The following NPHS1 variants were observed in gnomAD, a reference collection of about 807,000 sequenced individuals.
NPHS1 encodes nephrin.
In NPHS1, 107 loss-of-function variants were observed where a neutral mutation model predicts 139.7. The ratio of observed to expected loss-of-function variants is 0.77; its 90% confidence interval spans 0.66 to 0.90. The LOEUF (loss-of-function observed/expected upper bound fraction) is 0.90. Among genes scored for constraint, NPHS1 ranks in the 40% least tolerant of loss-of-function variants. NPHS1 has a pLI of 0.00. For missense variants in NPHS1, 1,580 were observed against 1,654.2 expected, an observed-to-expected ratio of 0.96 and a Z score of 0.78; for synonymous variants, 707 against 706.6, an observed-to-expected ratio of 1.00 and a Z score of -0.01.
rs1350201149 is a variant in NPHS1, at chr19:35,844,444, A to G, written c.1946T>C (p.Leu649Pro). 1 of 1,587,178 alleles carries G rather than the reference A, an allele frequency of 6.3e-7. No homozygotes were observed. The highest frequency in any genetic ancestry group is 1.8e-5 in the Admixed American group (1 of 55,480). ...GGTCACCACCAGCACCTGCTCCCCC[A>G]GGAACTCTGGACGGTCTTCAGAGGG... ...RLNVLYRPEF[L>P]GEQVLVVTAV... is the part of the protein sequence containing the mutation. The change falls in exon 15 of 29, where the codon CTG (leucine) becomes CCG (proline). Residue 649 changes from leucine to proline, a missense_variant. By Grantham distance (98) the Leu-to-Pro change is moderately conservative. Coordinates refer to ENST00000378910, the MANE Select transcript of NPHS1 (RefSeq NM_004646.4).
At chr19:35,838,817 A>G (rs1425940313) in intron 22 of NPHS1, among the ~76,000 whole-genome samples, 1 of 152,218 alleles carries the variant, frequency 6.6e-6, no homozygotes, top group East Asian at 1.9e-4. Flanking sequence ...ATTGCACTCC[A>G]GCCTGGGCAA....
chr19:35,831,260 C>A, intron 26 of NPHS1, 36 bp downstream of exon 26: 1 of 1,612,420 alleles, frequency 6.2e-7, no homozygotes, highest in Non-Finnish European at 8.5e-7. Context: ...CCGTCGGTGC[C>A]CTGATTGTGG....
In NPHS1 at chr19:35,848,062, C is replaced by G. The variant is rs779554316; in HGVS notation, c.1419G>C (p.Glu473Asp). Reference sequence around the variant, plus strand: ...CAACCTTGTACCACATGAGGGAGGGCTCTGGGTTGCCCCCGATAGCCAAAC... The same window carrying G: ...CAACCTTGTACCACATGAGGGAGGGGTCTGGGTTGCCCCCGATAGCCAAAC... Reference protein sequence around the residue: ...LVCLAIGGNPEPSLMWYKDSR... With the variant: ...LVCLAIGGNPDPSLMWYKDSR... The change falls in exon 11 of 29, where the codon GAG becomes GAC. Residue 473 changes from glutamate to aspartate, a missense_variant. Transcript: ENST00000378910. The G allele has an allele frequency of 1.2e-6, 2 of 1,613,866 alleles. No homozygotes were observed. The highest frequency in any genetic ancestry group is 8.5e-7 in the Non-Finnish European group (1 of 1,180,024).
Position 35,843,383 on chromosome 19 carries a change from T to C in NPHS1, c.2334+89A>G, listed in dbSNP as rs1358573361. The C allele has an allele frequency of 1.1e-5, 17 of 1,478,632 alleles. No individual in the cohort carries two copies. The Middle Eastern group carries it at 6.9e-4, about 60-fold the overall frequency. 91.6% of individuals were successfully genotyped at this position (1,478,632 alleles called of 1,614,324 possible). A position where few individuals can be genotyped will look rare whatever the true frequency, so the allele number is the denominator to read the frequency against. ...TATATAGTTATAAGGGTCATACAGA[T>C]GTATGTGGTCCCCACTCCCAAGGAA... On this transcript the variant is annotated intron_variant, in intron 17 of 28. Transcript: ENST00000378910.
intron 11 of NPHS1, among the ~76,000 whole-genome samples, chr19:35,847,351 T>A (rs1973158572): frequency 8.1e-6 from 1 of 124,080 alleles, no homozygotes; most frequent in Non-Finnish European, 1.6e-5. Context: ...AGCCTTTTTT[T>A]TTTTTTTTTT....
At position 35,843,790 on chromosome 19, in the gene NPHS1, G is replaced by A. The variant is rs1286119391; in HGVS notation, c.2213-197C>T. Reference sequence around the variant, plus strand: ...TCTCCACCCTCCACTATGCCTCTGTGATAATTAGAGTGAGTTGAGTGGGCT... The same window carrying A: ...TCTCCACCCTCCACTATGCCTCTGTAATAATTAGAGTGAGTTGAGTGGGCT... On this transcript the variant is annotated intron_variant, in intron 16 of 28. Coordinates refer to ENST00000378910, the MANE Select transcript of NPHS1 (RefSeq NM_004646.4). 4 of 686,558 alleles carry A rather than the reference G, an allele frequency of 5.8e-6. No homozygotes were observed. The African/African-American group carries it at 7.2e-5, about 12-fold the overall frequency. 42.5% of individuals were successfully genotyped at this position (686,558 alleles called of 1,614,324 possible).
At chr19:35,837,026 A>AAAAAGAAAG (rs1555761160) in intron 22 of NPHS1, among the ~76,000 whole-genome samples, 3 of 131,928 alleles carry the variant, frequency 2.3e-5, no homozygotes, top group Non-Finnish European at 4.7e-5. Flanking sequence ...AAAAGAAAAG[A>AAAAAGAAAG]AAAGAAAGAA....
intron 23 of NPHS1, among the ~76,000 whole-genome samples, chr19:35,832,809 CT>C (rs1380700232): frequency 7.0e-6 from 1 of 143,656 alleles, no homozygotes; most frequent in Non-Finnish European, 1.5e-5. Context: ...ATCACTTGAA[CT>C]GGGGAGGCAG....
chr19:35,842,275 G>T lies in NPHS1; in HGVS notation c.2512C>A (p.Pro838Thr), dbSNP rs2146819513. The change falls in exon 19 of 29, where the codon CCC (proline) becomes ACC (threonine). Residue 838 changes from proline to threonine, a missense_variant. Transcript: ENST00000378910. ...AGGGGAGTGGGGTGCTCCACCTGGG[G>T]GGCAACTGGGAGGGGATGGGCAGTC... The part of the protein sequence containing the change: ...RLLRLVVRFA[P>T]QVEHPTPLTK... The T allele has an allele frequency of 1.9e-6, 3 of 1,612,608 alleles. No homozygotes were observed. The highest frequency in any genetic ancestry group is 2.5e-6 in the Non-Finnish European group (3 of 1,180,002).
Position 35,845,223 on chromosome 19 carries a change from T to C in NPHS1, c.1930+145A>G, listed in dbSNP as rs575392158. 2.2e-6 allele frequency: 2 copies of C among 890,100 alleles called. No homozygotes were observed. The highest frequency in any genetic ancestry group is 2.6e-5 in the East Asian group (1 of 37,958). 55.1% of individuals were successfully genotyped at this position (890,100 alleles called of 1,614,324 possible). A position where few individuals can be genotyped will look rare whatever the true frequency, so the allele number is the denominator to read the frequency against. On this transcript the variant is annotated intron_variant, in intron 14 of 28. Transcript: ENST00000378910. This position sits in a 1 kb window ranked among gnomAD's most constrained non-coding sequence, Gnocchi z 5.5. The stretch of plus-strand genomic sequence containing the variant: ...AGTTGGAGACTGCAGTGACCTATGA[T>C]TGCGTCACTGCATTGCAGCCTGAGC...
At chr19:35,837,026 A>AAAAG (rs201666209) in intron 22 of NPHS1, among the ~76,000 whole-genome samples, 12,963 of 131,664 alleles carry the variant, frequency 0.098, 688 homozygotes, top group Middle Eastern at 0.13. Flanking sequence ...AAAAGAAAAG[A>AAAAG]AAAGAAAGAA....
intron 15 of NPHS1, 31 bp downstream of exon 15, chr19:35,844,288 C>T: frequency 1.2e-6 from 2 of 1,613,906 alleles, no homozygotes; most frequent in Non-Finnish European, 8.5e-7. Context: ...CTCCCATCCC[C>T]GGGACCCCTC....
intron 11 of NPHS1, among the ~76,000 whole-genome samples, chr19:35,847,036 T>A (rs144599402): frequency 1.3e-5 from 2 of 151,024 alleles, no homozygotes; most frequent in Non-Finnish European, 2.9e-5. Context: ...TTCTCCAAAT[T>A]TTCTTTTCTT....
intron 11 of NPHS1, among the ~76,000 whole-genome samples, chr19:35,846,627 G>T (rs1254197631): frequency 6.6e-6 from 1 of 152,174 alleles, no homozygotes; most frequent in African/African-American, 2.4e-5. Flanking sequence ...TGTCCCCAAA[G>T]ATTTCCTTTG....
intron 22 of NPHS1, among the ~76,000 whole-genome samples, chr19:35,838,212 C>T (rs1973002033): frequency 6.6e-6 from 1 of 151,286 alleles, no homozygotes; most frequent in African/African-American, 2.4e-5. Flanking sequence ...CCATTGCACT[C>T]CACCCTGGGC....
rs571506630 is a variant in NPHS1, at chr19:35,840,728, G to A, written c.2815+987C>T. ...TTTTGAGACAGAGTCTTGCTCTGTC[G>A]CCCAGGCTGGAGTGCGGTGGCGCGA... On this transcript the variant is annotated intron_variant, in intron 20 of 28. Coordinates refer to ENST00000378910, the MANE Select transcript of NPHS1 (RefSeq NM_004646.4). 2.8e-3 allele frequency among the ~76,000 whole-genome samples: 366 copies of A among 132,710 alleles called. 3 individuals carry two copies. The highest frequency in any genetic ancestry group is 6.1e-3 in the South Asian group (25 of 4,084). The allele number at this position is 132,710 out of a possible 152,430, so 87.1% of individuals were successfully genotyped here.
chr19:35,840,850 G>A (rs544939118), intron 20 of NPHS1, among the ~76,000 whole-genome samples: 6 of 146,408 alleles, frequency 4.1e-5, no homozygotes, highest in Admixed American at 1.4e-4. Context: ...CATCACGCCC[G>A]GCTTTTTTTT....
chr19:35,830,734 G>T, intron 28 of NPHS1, 110 bp downstream of exon 28: 2 of 793,894 alleles, frequency 2.5e-6, no homozygotes, highest in South Asian at 2.7e-5. Flanking sequence ...ACTGGATCAT[G>T]GTCAGGCCTC....
intron 23 of NPHS1, among the ~76,000 whole-genome samples, chr19:35,834,938 C>G (rs971990693): frequency 1.3e-5 from 2 of 151,406 alleles, no homozygotes; most frequent in African/African-American, 4.9e-5. Flanking sequence ...TAGCTCATGC[C>G]TGTTATCCCA....
Sources: allele counts gnomAD v4.1 joint callset (sites outside exome capture counted in the v4.1 genomes callset), GRCh38; gene constraint gnomAD v4.1.1; non-coding constraint Gnocchi (gnomAD v3.1); transcripts MANE v1.5; gene names NCBI Gene and HGNC (gene_info 2026-07-23, HGNC 2026-07-21).